PIP5K1B: variants seen among roughly 807,000 people sequenced by gnomAD.
PIP5K1B encodes phosphatidylinositol-4-phosphate 5-kinase type 1 beta.
A neutral mutation model predicts 67.0 loss-of-function variants in PIP5K1B; 42 were observed. That is an observed-to-expected ratio of 0.63 (90% CI 0.49 to 0.81). PIP5K1B has a LOEUF of 0.81. Ranked by LOEUF, PIP5K1B falls within the 30% of genes least tolerant of loss-of-function variation. The probability of loss-of-function intolerance (pLI) is 0.00; values close to 1 mark genes in which losing one functional copy is unlikely to be tolerated. For missense variants in PIP5K1B, 459 were observed against 646.3 expected (o/e 0.71, Z 3.14); for synonymous variants, 214 against 231.4 (o/e 0.92, Z 0.68).
intron 8 of PIP5K1B, among the ~76,000 whole-genome samples, chr9:68,910,637 G>A (rs1399010537): frequency 6.6e-6 from 1 of 152,196 alleles, no homozygotes; most frequent in Non-Finnish European, 1.5e-5. Context: ...ATGATACAAA[G>A]AATATAGGTG....
At chr9:68,789,090 A>G (rs2132489521) in intron 2 of PIP5K1B, 1 of 540,736 alleles carries the variant, frequency 1.8e-6, no homozygotes, top group Middle Eastern at 3.8e-4. Flanking sequence ...TGATTTATCA[A>G]TAATGGCATC....
At chr9:68,887,482 C>T (rs1310365575) in intron 6 of PIP5K1B, among the ~76,000 whole-genome samples, 1 of 152,076 alleles carries the variant, frequency 6.6e-6, no homozygotes, top group Non-Finnish European at 1.5e-5. Context: ...GGGGAGGAGG[C>T]TGGGTCATTC....
intron 2 of PIP5K1B, chr9:68,789,123 T>G: frequency 1.7e-6 from 1 of 578,840 alleles, no homozygotes; most frequent in Admixed American, 2.0e-5. Context: ...CACATCAAAA[T>G]AGGCCTCATT....
chr9:68,774,595 A>T (rs972802564), intron 2 of PIP5K1B, among the ~76,000 whole-genome samples: 1 of 152,194 alleles, frequency 6.6e-6, no homozygotes, highest in African/African-American at 2.4e-5. Flanking sequence ...CCATATGTGT[A>T]CACCCATGTA....
intron 14 of PIP5K1B, among the ~76,000 whole-genome samples, chr9:68,974,486 C>T (rs2132849324): frequency 6.6e-6 from 1 of 152,302 alleles, no homozygotes; most frequent in Non-Finnish European, 1.5e-5. Context: ...GAACCACTGC[C>T]AGAGATTACT....
At chr9:68,816,599 T>A (rs1833458363) in intron 2 of PIP5K1B, among the ~76,000 whole-genome samples, 6 of 152,230 alleles carry the variant, frequency 3.9e-5, no homozygotes, top group Admixed American at 3.9e-4. Flanking sequence ...CAAGTCAATG[T>A]TTGGAACAGA....
rs115433366 is a variant in PIP5K1B at position 68,810,722 on chromosome 9, C to T, written c.-85-7739C>T. 5.6e-3 allele frequency among the ~76,000 whole-genome samples: 852 copies of T among 152,230 alleles called. 11 individuals are homozygous for T. The highest frequency in any genetic ancestry group is 0.02 in the African/African-American group (811 of 41,540). ...CCAGGCACAATATATCTAAAACTTTCGGTAACTATAGAGTTTTAAAAAGCT... is the reference window on the plus strand; with the variant it reads ...CCAGGCACAATATATCTAAAACTTTTGGTAACTATAGAGTTTTAAAAAGCT... On this transcript the variant is annotated intron_variant, in intron 2 of 15. Coordinates refer to ENST00000265382, the MANE Select transcript of PIP5K1B (RefSeq NM_003558.4).
At chr9:68,707,536 G>T (rs1238755887) in intron 1 of PIP5K1B, 6 of 152,128 alleles carry the variant, frequency 3.9e-5, no homozygotes, top group South Asian at 2.1e-4. Flanking sequence ...TTTTTAAATG[G>T]CAGAGTTCTT....
At chr9:68,736,746 A>G (rs1250277232) in intron 1 of PIP5K1B, among the ~76,000 whole-genome samples, 2 of 152,112 alleles carry the variant, frequency 1.3e-5, no homozygotes, top group Non-Finnish European at 2.9e-5. Context: ...CCTGTCTCCC[A>G]CTTCTACACA....
chr9:68,713,623 T>C (rs1827499884), intron 1 of PIP5K1B, among the ~76,000 whole-genome samples: 1 of 152,078 alleles, frequency 6.6e-6, no homozygotes, highest in African/African-American at 2.4e-5. Context: ...AATGAAAAAT[T>C]CTCCCTCTGC....
intron 2 of PIP5K1B, among the ~76,000 whole-genome samples, chr9:68,773,750 G>C (rs777077685): frequency 2.0e-5 from 3 of 152,156 alleles, no homozygotes; most frequent in Non-Finnish European, 2.9e-5. Flanking sequence ...TCTAATCTTT[G>C]CTGTTGCTCT....
chr9:68,712,406 A>C (rs2132239768), intron 1 of PIP5K1B, among the ~76,000 whole-genome samples: 1 of 152,368 alleles, frequency 6.6e-6, no homozygotes, highest in East Asian at 1.9e-4. Context: ...ATGCAAAAAC[A>C]GATTAACACG....
chr9:68,728,014 G>A (rs1334919166), intron 1 of PIP5K1B, among the ~76,000 whole-genome samples: 1 of 152,156 alleles, frequency 6.6e-6, no homozygotes, highest in African/African-American at 2.4e-5. Context: ...AAAAATAAGT[G>A]CATTATTTGA....
At chr9:68,780,079 G>A in intron 2 of PIP5K1B, 6 of 1,324,576 alleles carry the variant, frequency 4.5e-6, no homozygotes, top group East Asian at 5.6e-5. Flanking sequence ...TCTCGGTGGC[G>A]GCGGCAGCGG....
chr9:68,929,969 C>T (rs1036010181), intron 12 of PIP5K1B, among the ~76,000 whole-genome samples: 1 of 152,202 alleles, frequency 6.6e-6, no homozygotes, highest in African/African-American at 2.4e-5. Context: ...CGCACCCAGC[C>T]TCTTTCAGTC....
At chr9:68,846,102 T>C (rs1822179952) in intron 4 of PIP5K1B, among the ~76,000 whole-genome samples, 1 of 152,172 alleles carries the variant, frequency 6.6e-6, no homozygotes, top group Admixed American at 6.5e-5. Context: ...CTTAACACAA[T>C]AAAATATATG....
chr9:68,920,816 A>ACACACG (rs1826355514), intron 11 of PIP5K1B, among the ~76,000 whole-genome samples: 1 of 151,454 alleles, frequency 6.6e-6, no homozygotes, highest in African/African-American at 2.4e-5. Context: ...ACACACACAC[A>ACACACG]CACACACACA....
At chr9:68,933,411 G>A (rs1313149746) in intron 12 of PIP5K1B, among the ~76,000 whole-genome samples, 1 of 152,106 alleles carries the variant, frequency 6.6e-6, no homozygotes, top group Non-Finnish European at 1.5e-5. Flanking sequence ...GAGAATTAAG[G>A]TAAACATAAC....
intron 6 of PIP5K1B, among the ~76,000 whole-genome samples, chr9:68,883,406 A>G (rs2132350062): frequency 6.6e-6 from 1 of 152,382 alleles, no homozygotes; most frequent in South Asian, 2.1e-4. Flanking sequence ...TCAAGAAGCA[A>G]GGCTAACAGA....
Sources: allele counts gnomAD v4.1 joint callset (sites outside exome capture counted in the v4.1 genomes callset), GRCh38; gene constraint gnomAD v4.1.1; transcripts MANE v1.5; gene names NCBI Gene and HGNC (gene_info 2026-07-23, HGNC 2026-07-21).